Variants in GABRB3 observed in about 807,000 individuals in gnomAD.
GABRB3 encodes gamma-aminobutyric acid type A receptor subunit beta3.
A neutral mutation model predicts 52.1 loss-of-function variants in GABRB3; 14 were observed. That is an observed-to-expected ratio of 0.27 (90% confidence interval 0.18 to 0.42). The LOEUF is 0.42. Among genes scored for constraint, GABRB3 ranks in the 10% least tolerant of loss-of-function variants. GABRB3 has a pLI of 1.00. For synonymous variants in GABRB3, 260 were observed against 232.3 expected (o/e 1.12, Z -1.08); for missense variants, 307 against 609.1 (o/e 0.50, Z 5.22).
intron 3 of GABRB3, among the ~76,000 whole-genome samples, chr15:26,645,102 G>A (rs570110663): frequency 6.6e-6 from 1 of 152,250 alleles, no homozygotes; most frequent in Non-Finnish European, 1.5e-5. Context: ...CGTGAGCCAG[G>A]CCTGGTGGTG....
chr15:26,745,235 G>A (rs531223110), intron 3 of GABRB3, among the ~76,000 whole-genome samples: 1 of 152,294 alleles, frequency 6.6e-6, no homozygotes, highest in South Asian at 2.1e-4. Flanking sequence ...ACAGTTCAAC[G>A]TGAGATTAGG....
intron 3 of GABRB3, among the ~76,000 whole-genome samples, chr15:26,665,112 G>A (rs953167756): frequency 1.3e-5 from 2 of 151,988 alleles, no homozygotes; most frequent in African/African-American, 2.4e-5. Context: ...TAAAATTAAA[G>A]TATTTAAAAT....
At chr15:26,668,150 T>C (rs899652058) in intron 3 of GABRB3, among the ~76,000 whole-genome samples, 1 of 152,110 alleles carries the variant, frequency 6.6e-6, no homozygotes, top group Non-Finnish European at 1.5e-5. Context: ...ATCTTCCCTA[T>C]AGAAAGGGAA....
intron 3 of GABRB3, among the ~76,000 whole-genome samples, chr15:26,650,621 T>C (rs774215083): frequency 6.6e-6 from 1 of 152,066 alleles, no homozygotes; most frequent in Non-Finnish European, 1.5e-5. Context: ...ATCCTCAGAC[T>C]GGATTGAGAA....
chr15:26,622,493 G>C (rs564306294), intron 3 of GABRB3, among the ~76,000 whole-genome samples: 1 of 152,300 alleles, frequency 6.6e-6, no homozygotes, highest in African/African-American at 2.4e-5. Context: ...CAAAGGTTAG[G>C]AGGTAAATTA....
chr15:26,606,816 A>AGATC (rs1891847043), intron 4 of GABRB3, among the ~76,000 whole-genome samples: 1 of 57,408 alleles, frequency 1.7e-5, no homozygotes, highest in Non-Finnish European at 4.0e-5. Context: ...ATAGATAGAT[A>AGATC]GATAGATAGA....
chr15:26,652,868 G>C (rs148629842), intron 3 of GABRB3, among the ~76,000 whole-genome samples: 5 of 152,224 alleles, frequency 3.3e-5, no homozygotes, highest in African/African-American at 1.2e-4. Context: ...AGGAAAGGGA[G>C]AGTCTGACAG....
chr15:26,712,620 T>G (rs901729255), intron 3 of GABRB3, among the ~76,000 whole-genome samples: 4 of 152,024 alleles, frequency 2.6e-5, no homozygotes, highest in East Asian at 1.9e-4. Context: ...AACCTCCAAG[T>G]GGTCATTTAG....
At chr15:26,764,384 T>G (rs548213979) in intron 3 of GABRB3, among the ~76,000 whole-genome samples, 1 of 151,996 alleles carries the variant, frequency 6.6e-6, no homozygotes, top group African/African-American at 2.4e-5. Flanking sequence ...AACTGTGATG[T>G]TCTCAGATCT....
chr15:26,598,617 G>A (rs1891479682), intron 4 of GABRB3, among the ~76,000 whole-genome samples: 1 of 152,164 alleles, frequency 6.6e-6, no homozygotes, highest in African/African-American at 2.4e-5. Context: ...GATGAAAAAG[G>A]ATTTCTATGG....
chr15:26,618,974 T>C (rs1174725474), intron 4 of GABRB3, among the ~76,000 whole-genome samples: 1 of 144,428 alleles, frequency 6.9e-6, no homozygotes, highest in African/African-American at 2.6e-5. Flanking sequence ...TGAGATACCA[T>C]CTCACACCAG....
At chr15:26,635,932 A>G (rs769491422) in intron 3 of GABRB3, among the ~76,000 whole-genome samples, 1 of 152,220 alleles carries the variant, frequency 6.6e-6, no homozygotes, top group Non-Finnish European at 1.5e-5. Flanking sequence ...ATAAATCACA[A>G]TATCAACAGT....
intron 3 of GABRB3, among the ~76,000 whole-genome samples, chr15:26,673,527 A>G (rs1214881926): frequency 6.6e-6 from 1 of 152,198 alleles, no homozygotes; most frequent in East Asian, 1.9e-4. Flanking sequence ...GGTAACCTCA[A>G]AATCCTGGCC....
intron 3 of GABRB3, among the ~76,000 whole-genome samples, chr15:26,657,646 G>A (rs1343483863): frequency 6.6e-6 from 1 of 152,280 alleles, no homozygotes; most frequent in Non-Finnish European, 1.5e-5. Flanking sequence ...AGAAGCAGAA[G>A]TATCATCTCC....
intron 3 of GABRB3, among the ~76,000 whole-genome samples, chr15:26,640,186 T>G (rs1322188942): frequency 1.3e-5 from 2 of 152,146 alleles, no homozygotes; most frequent in African/African-American, 4.8e-5. Flanking sequence ...GGCCACTGAA[T>G]GCAAACTTTC....
At chr15:26,677,669 T>C (rs1233282105) in intron 3 of GABRB3, among the ~76,000 whole-genome samples, 1 of 152,212 alleles carries the variant, frequency 6.6e-6, no homozygotes, top group Non-Finnish European at 1.5e-5. Flanking sequence ...AAAATTACAA[T>C]ACTACATTGT....
At chr15:26,700,525 A>G (rs1259443375) in intron 3 of GABRB3, among the ~76,000 whole-genome samples, 7 of 152,220 alleles carry the variant, frequency 4.6e-5, no homozygotes, top group Non-Finnish European at 1.0e-4. Context: ...AGGGAGGAAA[A>G]CTGCAGATCG....
chr15:26,636,051 C>T (rs1273277659), intron 3 of GABRB3, among the ~76,000 whole-genome samples: 1 of 152,200 alleles, frequency 6.6e-6, no homozygotes, highest in Non-Finnish European at 1.5e-5. Context: ...TTGCATAAAG[C>T]AGCCCTTTCC....
At chr15:26,764,166 AAAAAAAAAAAAAAATATATATATATAT>A (rs1890909142) in intron 3 of GABRB3, among the ~76,000 whole-genome samples, 7 of 33,754 alleles carry the variant, frequency 2.1e-4, no homozygotes, top group Non-Finnish European at 3.8e-4. Flanking sequence ...AAAAAAAAAA[AAAAAAAAAAAAAAATATATATATATAT>A]ATATATATAT....
Sources: allele counts gnomAD v4.1 joint callset (sites outside exome capture counted in the v4.1 genomes callset), GRCh38; gene constraint gnomAD v4.1.1; transcripts MANE v1.5; gene names NCBI Gene and HGNC (gene_info 2026-07-23, HGNC 2026-07-21).